Variants in WRNIP1 observed in about 807,000 individuals in gnomAD.
WRNIP1 encodes ATPase WRNIP1.
A neutral mutation model predicts 56.1 loss-of-function variants in WRNIP1; 41 were observed. The observed-to-expected ratio is 0.73, with a 90% CI of 0.57 to 0.95. The LOEUF is 0.95. Ranked by LOEUF, WRNIP1 falls within the 40% of genes least tolerant of loss-of-function variation. The pLI, the probability that WRNIP1 is intolerant of heterozygous loss-of-function variation, is 0.00. For synonymous variants in WRNIP1, 547 were observed against 398.1 expected (o/e 1.37, Z -4.45); for missense variants, 1,170 against 939.4 (o/e 1.25, Z -3.21).
chr6:2,767,052 T>C (rs1430412761), intron 1 of WRNIP1, among the ~76,000 whole-genome samples: 1 of 152,204 alleles, frequency 6.6e-6, no homozygotes, highest in African/African-American at 2.4e-5. Context: ...CATCTGCAAG[T>C]CATTTTCATC....
chr6:2,770,222 C>G lies in WRNIP1; in HGVS notation c.1117C>G (p.Arg373Gly), dbSNP rs763073963. The G allele has an allele frequency of 3.7e-6, 6 of 1,614,050 alleles. No individual in the cohort carries two copies. The highest frequency in any genetic ancestry group is 2.7e-5 in the African/African-American group (2 of 74,906). Residue 373 changes from arginine (R) to glycine (G), a missense_variant, in exon 3 of 7, where the codon CGA becomes GGA. By Grantham distance (125) the Arg-to-Gly change is moderately radical. Coordinates refer to ENST00000380773, the MANE Select transcript of WRNIP1 (RefSeq NM_020135.3). ...QVNAALLSRC[R>G]VIVLEKLPVE... ...CAACGCTGCTCTTCTGAGCCGCTGT[C>G]GAGTGATTGTTCTTGAGAAGCTTCC...
At chr6:2,777,070 G>A (rs573731845) in intron 3 of WRNIP1, among the ~76,000 whole-genome samples, 3 of 151,910 alleles carry the variant, frequency 2.0e-5, no homozygotes, top group East Asian at 1.9e-4. Flanking sequence ...TGAGTGGATC[G>A]TAAAGTCAGC....
At chr6:2,783,607 G>C in intron 5 of WRNIP1, 46 bp downstream of exon 5, 1 of 1,022,116 alleles carries the variant, frequency 9.8e-7, no homozygotes, top group Non-Finnish European at 1.2e-6. Flanking sequence ...CATGAGGGTG[G>C]GGAAATGGCT....
intron 2 of WRNIP1, 28 bp from the exon 3 acceptor site, chr6:2,770,092 C>CTTT (rs1172594414): frequency 1.9e-5 from 30 of 1,612,474 alleles, no homozygotes; most frequent in Non-Finnish European, 2.4e-5. Flanking sequence ...ACTGGAATCA[C>CTTT]TTTTTTCTGT....
chr6:2,779,247 C>G lies in WRNIP1; in HGVS notation c.1257-16C>G. 3 of 1,613,082 alleles carry G rather than the reference C, an allele frequency of 1.9e-6. No individual in the cohort carries two copies. Among genetic ancestry groups the G allele is most frequent in the Non-Finnish European group, 2.5e-6 (3 of 1,179,226 alleles). On this transcript the variant is annotated splice_polypyrimidine_tract_variant and intron_variant, in intron 3 of 6. Coordinates refer to ENST00000380773, the MANE Select transcript of WRNIP1 (RefSeq NM_020135.3). ...CAGCCTGAGTGTGACCGTAACTAAC[C>G]CTGCTTGTGTTTCAGGCCCGCCATG...
chr6:2,776,207 G>A (rs2113472006), intron 3 of WRNIP1, among the ~76,000 whole-genome samples: 1 of 152,160 alleles, frequency 6.6e-6, no homozygotes, highest in Admixed American at 6.5e-5. Context: ...ATCTTACTTC[G>A]TTCTTCAGAA....
intron 2 of WRNIP1, 75 bp downstream of exon 2, chr6:2,768,957 A>C: frequency 7.0e-7 from 1 of 1,421,208 alleles, no homozygotes; most frequent in Non-Finnish European, 9.5e-7. Flanking sequence ...CACTATACAA[A>C]CGCTAGAGAC....
At position 2,766,059 on chromosome 6, in the gene WRNIP1, C is replaced by A. The variant is rs1041596579; in HGVS notation, c.437C>A (p.Ala146Asp). 2 of 1,294,088 alleles carry A rather than the reference C, an allele frequency of 1.5e-6. No homozygotes were observed. Among genetic ancestry groups the A allele is most frequent in the Non-Finnish European group, 2.0e-6 (2 of 1,025,542 alleles). 80.2% of individuals were successfully genotyped at this position (1,294,088 alleles called of 1,614,324 possible). Residue 146 changes from alanine (A) to aspartate (D), a missense_variant, in exon 1 of 7, where the codon GCC becomes GAC. Physicochemically the swap from Ala to Asp is moderately radical, Grantham distance 126 (BLOSUM62 -2). Transcript: ENST00000380773. Reference protein sequence around the residue: ...RKGSGKRPAAAAAAGSASPRS... With the variant: ...RKGSGKRPAADAAAGSASPRS... ...GGGTCGGGGAAGAGGCCGGCGGCCG[C>A]CGCCGCGGCGGGGAGCGCGTCTCCG...
chr6:2,783,289 C>T (rs546663816), intron 4 of WRNIP1, 117 bp from the exon 5 acceptor site: 233 of 1,187,584 alleles, frequency 2.0e-4, no homozygotes, highest in Admixed American at 6.7e-4. Context: ...AACCTCTCCT[C>T]GGCTTTCTCA....
chr6:2,769,377 G>A (rs1765177922), intron 2 of WRNIP1, among the ~76,000 whole-genome samples: 1 of 151,890 alleles, frequency 6.6e-6, no homozygotes, highest in Non-Finnish European at 1.5e-5. Flanking sequence ...AAGGACACAA[G>A]CTATTTTTAT....
chr6:2,778,839 C>T (rs1205421046), intron 3 of WRNIP1, among the ~76,000 whole-genome samples: 3 of 152,210 alleles, frequency 2.0e-5, no homozygotes, highest in Non-Finnish European at 2.9e-5. Flanking sequence ...GGAAAGTGGT[C>T]TAAGCACATC....
At chr6:2,774,859 G>A (rs1174843642) in intron 3 of WRNIP1, among the ~76,000 whole-genome samples, 1 of 152,216 alleles carries the variant, frequency 6.6e-6, no homozygotes, top group Non-Finnish European at 1.5e-5. Flanking sequence ...TTGGATATGT[G>A]CAGTTCTGGA....
chr6:2,783,674 G>GGGGT lies in WRNIP1; in HGVS notation c.1642+113_1642+114insGGGT, dbSNP rs1327082034. ...TTTTTGCAGGGCGGGGTGGGCGGGGGTAGCAGGAAGAATGTCTCAGGGCTA... is the reference window on the plus strand; with the variant it reads ...TTTTTGCAGGGCGGGGTGGGCGGGGGGGGTTAGCAGGAAGAATGTCTCAGGGCTA... On this transcript the variant is annotated intron_variant, in intron 5 of 6. Transcript: ENST00000380773. 3.6e-5 allele frequency: 23 copies of GGGGT among 643,098 alleles called. No individual in the cohort carries two copies. In the African/African-American group the frequency reaches 3.9e-4, roughly 11 times the overall value. 39.8% of individuals were successfully genotyped at this position (643,098 alleles called of 1,614,324 possible). A position where few individuals can be genotyped will look rare whatever the true frequency, so the allele number is the denominator to read the frequency against.
chr6:2,767,853 T>G (rs1175987911), intron 1 of WRNIP1, among the ~76,000 whole-genome samples: 1 of 152,184 alleles, frequency 6.6e-6, no homozygotes, highest in African/African-American at 2.4e-5. Context: ...CATCTGTGAC[T>G]TGCGAGCCTG....
chr6:2,765,883 G>A lies in WRNIP1; in HGVS notation c.261G>A (p.Thr87=), dbSNP rs1054123519. ...CGCTGAAGCAGCCAGCCACCCCGAC[G>A]GCAGCCGAGAGCAGCGAGGGCGAGG... ...SSALKQPATP[T]AAESSEGEGE... is the part of the protein sequence containing the mutation. Residue 87 remains threonine, a synonymous_variant, in exon 1 of 7, where the codon ACG becomes ACA. Coordinates refer to ENST00000380773, the MANE Select transcript of WRNIP1 (RefSeq NM_020135.3). The A allele has an allele frequency of 4.8e-6, 7 of 1,450,374 alleles. No homozygotes were observed. The African/African-American group carries it at 5.9e-5, about 12-fold the overall frequency. The allele number at this position is 1,450,374 out of a possible 1,614,324, so 89.8% of individuals were successfully genotyped here.
Position 2,765,477 on chromosome 6 carries a change from C to A in WRNIP1, c.-146C>A. 2 of 1,052,672 alleles carry A rather than the reference C, an allele frequency of 1.9e-6. No individual in the cohort carries two copies. Among genetic ancestry groups the A allele is most frequent in the Non-Finnish European group, 1.2e-6 (1 of 823,822 alleles). The allele number at this position is 1,052,672 out of a possible 1,614,324, so 65.2% of individuals were successfully genotyped here. Reference sequence around the variant, plus strand: ...GGGAGCTGCGGACGTGAGGCATGAGCGGCGCCCTCCTCCGGCCCGCGAGCG... The same window carrying A: ...GGGAGCTGCGGACGTGAGGCATGAGAGGCGCCCTCCTCCGGCCCGCGAGCG... On this transcript the variant is annotated 5_prime_UTR_variant, in exon 1 of 7. Coordinates refer to ENST00000380773, the MANE Select transcript of WRNIP1 (RefSeq NM_020135.3).
In WRNIP1 at chr6:2,766,397, A is replaced by T; in HGVS notation, c.775A>T (p.Asn259Tyr). Residue 259 changes from asparagine to tyrosine, a missense_variant, in exon 1 of 7, where the codon AAC becomes TAC. Physicochemically the swap from Asn to Tyr is moderately radical, Grantham distance 143 (BLOSUM62 -2). Coordinates refer to ENST00000380773, the MANE Select transcript of WRNIP1 (RefSeq NM_020135.3). Reference sequence around the variant, plus strand: ...CCTGCTGCGCTCGCTCCTGGAGACCAACGAAATCCCCTCGCTTATCCTGTG... The same window carrying T: ...CCTGCTGCGCTCGCTCCTGGAGACCTACGAAATCCCCTCGCTTATCCTGTG... ...DTLLRSLLETNEIPSLILWGP... is the reference protein window; with the variant it reads ...DTLLRSLLETYEIPSLILWGP... 1 of 1,606,610 alleles carries T rather than the reference A, an allele frequency of 6.2e-7. No homozygotes were observed. Among genetic ancestry groups the T allele is most frequent in the Non-Finnish European group, 8.5e-7 (1 of 1,176,712 alleles).
chr6:2,785,441 G>A lies in WRNIP1; in HGVS notation c.*159G>A, dbSNP rs15217. The A allele has an allele frequency of 2.6e-5, 19 of 735,182 alleles. No homozygotes were observed. The highest frequency in any genetic ancestry group is 2.3e-4 in the Admixed American group (8 of 34,126). The allele number at this position is 735,182 out of a possible 1,614,324, so 45.5% of individuals were successfully genotyped here. ...CCATAGGTGGAGGCGCAGTTCTTTC[G>A]AATAAATGTGTAACTTTGAAATTGT... On this transcript the variant is annotated 3_prime_UTR_variant, in exon 7 of 7. Coordinates refer to ENST00000380773, the MANE Select transcript of WRNIP1 (RefSeq NM_020135.3).
At chr6:2,768,166 T>C (rs1765110064) in intron 1 of WRNIP1, among the ~76,000 whole-genome samples, 1 of 152,212 alleles carries the variant, frequency 6.6e-6, no homozygotes, top group Non-Finnish European at 1.5e-5. Context: ...CATGCAGAAG[T>C]GGCCTACAGT....
Sources: allele counts gnomAD v4.1 joint callset (sites outside exome capture counted in the v4.1 genomes callset), GRCh38; gene constraint gnomAD v4.1.1; transcripts MANE v1.5; gene names NCBI Gene and HGNC (gene_info 2026-07-23, HGNC 2026-07-21).